The following ARFGEF1 variants were observed in gnomAD, a reference collection of about 807,000 sequenced individuals.
The protein encoded by ARFGEF1 is ARF guanine nucleotide exchange factor 1.
In ARFGEF1, 42 loss-of-function variants were observed where a neutral mutation model predicts 231.0. The ratio of observed to expected loss-of-function variants is 0.18; its 90% CI spans 0.14 to 0.24. The LOEUF (loss-of-function observed/expected upper bound fraction) is 0.24, where lower values mean the gene tolerates loss of function less well. ARFGEF1 is among the 10% of genes least tolerant of loss of function. The pLI, the probability that ARFGEF1 is intolerant of heterozygous loss-of-function variation, is 1.00. For synonymous variants in ARFGEF1, 710 were observed against 732.3 expected (o/e 0.97, Z 0.49); for missense variants, 1,345 against 2,192.0 (o/e 0.61, Z 7.72).
chr8:67,333,417 C>T (rs1808197266), intron 1 of ARFGEF1, among the ~76,000 whole-genome samples: 1 of 151,496 alleles, frequency 6.6e-6, no homozygotes, highest in Non-Finnish European at 1.5e-5. Context: ...GCAGCCTCAA[C>T]CTTCTGGGCC....
intron 1 of ARFGEF1, among the ~76,000 whole-genome samples, chr8:67,320,935 A>C (rs1011783719): frequency 6.6e-6 from 1 of 152,154 alleles, no homozygotes; most frequent in African/African-American, 2.4e-5. Context: ...CAGCCTGGGC[A>C]ATAGAGTGAG....
At chr8:67,318,535 A>G (rs1807434562) in intron 1 of ARFGEF1, among the ~76,000 whole-genome samples, 1 of 152,224 alleles carries the variant, frequency 6.6e-6, no homozygotes, top group South Asian at 2.1e-4. Context: ...AGATTACATG[A>G]TTATTTAAGT....
chr8:67,322,152 T>TGTC (rs1281916764), intron 1 of ARFGEF1, among the ~76,000 whole-genome samples: 1 of 152,212 alleles, frequency 6.6e-6, no homozygotes, highest in Non-Finnish European at 1.5e-5. Flanking sequence ...ATATGTTCTC[T>TGTC]GTCACTCCCA....
chr8:67,299,416 G>T, intron 3 of ARFGEF1, 61 bp from the exon 4 acceptor site: 1 of 1,394,224 alleles, frequency 7.2e-7, no homozygotes, highest in Non-Finnish European at 9.8e-7. Flanking sequence ...ACATACTAAT[G>T]CAATATACAT....
Position 67,217,800 on chromosome 8 carries a change from T to C in ARFGEF1, c.4595A>G (p.Lys1532Arg). The C allele has an allele frequency of 6.2e-7, 1 of 1,613,924 alleles. No individual in the cohort carries two copies. The highest frequency in any genetic ancestry group is 8.5e-7 in the Non-Finnish European group (1 of 1,179,890). ...TTCTTACGCATGTGGGATTGTGGTTTTGAAGATATCCAGTGTGCAGTTGCA... is the reference window on the plus strand; with the variant it reads ...TTCTTACGCATGTGGGATTGTGGTTCTGAAGATATCCAGTGTGCAGTTGCA... ...KTCNCTLDIF[K>R]TTIPHALLTW... Residue 1532 changes from lysine (K) to arginine (R), a missense_variant, in exon 32 of 39, where the codon AAA becomes AGA. Lys to Arg is a conservative substitution (Grantham distance 26, BLOSUM62 2). Around this residue, in one of 14 missense-constraint regions of ARFGEF1, gnomAD observed 54 missense variants for 86.5 expected, o/e 0.62. Transcript: ENST00000262215.
chr8:67,258,514 G>C (rs1454342937), intron 15 of ARFGEF1, among the ~76,000 whole-genome samples: 1 of 151,936 alleles, frequency 6.6e-6, no homozygotes, highest in Non-Finnish European at 1.5e-5. Flanking sequence ...TTTCAATAGA[G>C]ACAGGGTTTC....
At chr8:67,330,652 TACTG>T (rs1262749842) in intron 1 of ARFGEF1, among the ~76,000 whole-genome samples, 2 of 152,200 alleles carry the variant, frequency 1.3e-5, no homozygotes, top group Non-Finnish European at 2.9e-5. Context: ...AAATCTTAAC[TACTG>T]ACTATTAACT....
Position 67,259,852 on chromosome 8 carries a change from A to G in ARFGEF1, c.2198T>C (p.Ile733Thr), listed in dbSNP as rs898643631. The change falls in exon 15 of 39, where the codon ATT (isoleucine) becomes ACT (threonine). Residue 733 changes from isoleucine (I) to threonine (T), a missense_variant. This residue lies in a region of ARFGEF1 where 105 missense variants were observed against 159.3 expected (regional missense o/e 0.66). Transcript: ENST00000262215. ...TTCCTCTTGATGTAAGAATTGGGCAATATCTTCAGGTGTGGTGCCAAGCAT... is the reference window on the plus strand; with the variant it reads ...TTCCTCTTGATGTAAGAATTGGGCAGTATCTTCAGGTGTGGTGCCAAGCAT... ...QGMLGTTPED[I>T]AQFLHQEERL... The G allele has an allele frequency of 5.6e-6, 9 of 1,612,734 alleles. No individual in the cohort carries two copies. The highest frequency in any genetic ancestry group is 1.1e-5 in the South Asian group (1 of 90,836).
At chr8:67,261,347 A>G (rs893453160) in intron 14 of ARFGEF1, among the ~76,000 whole-genome samples, 1 of 152,204 alleles carries the variant, frequency 6.6e-6, no homozygotes, top group Non-Finnish European at 1.5e-5. Flanking sequence ...GTAGCTGATG[A>G]TATTAACTTG....
intron 22 of ARFGEF1, 145 bp downstream of exon 22, chr8:67,238,198 A>T: frequency 2.5e-6 from 2 of 785,724 alleles, no homozygotes; most frequent in Non-Finnish European, 3.7e-6. Flanking sequence ...AAAAAGATTT[A>T]GTTCCTTAGT....
intron 3 of ARFGEF1, among the ~76,000 whole-genome samples, chr8:67,300,320 TAGTG>T (rs1232305022): frequency 6.6e-6 from 1 of 152,160 alleles, no homozygotes; most frequent in Non-Finnish European, 1.5e-5. Flanking sequence ...AATTCCCAAA[TAGTG>T]AGAACATCTG....
chr8:67,179,042 T>G (rs982351464), intron 5 of ARFGEF1, among the ~76,000 whole-genome samples: 1 of 152,228 alleles, frequency 6.6e-6, no homozygotes, highest in East Asian at 1.9e-4. Flanking sequence ...TTGTAATTCA[T>G]TGCCTTAAAA....
At position 67,238,327 on chromosome 8, in the gene ARFGEF1, T is replaced by C. The variant is rs1401875653; in HGVS notation, c.3289+16A>G. On this transcript the variant is annotated intron_variant, in intron 22 of 38. Coordinates refer to ENST00000262215, the MANE Select transcript of ARFGEF1 (RefSeq NM_006421.5). ...GAAGTTAAAAACAATTTTTGATACTTTGTAAAAATTCTCACCTAGCCCTAA... is the reference window on the plus strand; with the variant it reads ...GAAGTTAAAAACAATTTTTGATACTCTGTAAAAATTCTCACCTAGCCCTAA... 6.3e-7 allele frequency: 1 copy of C among 1,577,716 alleles called. No homozygotes were observed. The highest frequency in any genetic ancestry group is 8.6e-7 in the Non-Finnish European group (1 of 1,167,856).
chr8:67,189,021 A>G (rs1165426073), intron 5 of ARFGEF1, among the ~76,000 whole-genome samples: 1 of 152,190 alleles, frequency 6.6e-6, no homozygotes, highest in Non-Finnish European at 1.5e-5. Context: ...GAGTTCTAAG[A>G]ACAAGGACCC....
chr8:67,316,970 G>GA (rs1324856064), intron 1 of ARFGEF1, among the ~76,000 whole-genome samples: 1 of 152,196 alleles, frequency 6.6e-6, no homozygotes, highest in East Asian at 1.9e-4. Flanking sequence ...CCAAGGAGGG[G>GA]AGGGGGCTGC....
At chr8:67,211,251 G>A (rs1285515620) in intron 34 of ARFGEF1, among the ~76,000 whole-genome samples, 1 of 148,478 alleles carries the variant, frequency 6.7e-6, no homozygotes, top group African/African-American at 2.5e-5. Flanking sequence ...GGCTGAGGCA[G>A]AAGAATTGCT....
intron 1 of ARFGEF1, among the ~76,000 whole-genome samples, chr8:67,332,319 A>G (rs1049722550): frequency 6.6e-6 from 1 of 152,226 alleles, no homozygotes; most frequent in East Asian, 1.9e-4. Context: ...GTTACAAAAT[A>G]TTAATATAAA....
At chr8:67,242,249 T>G (rs1587118162) in intron 19 of ARFGEF1, among the ~76,000 whole-genome samples, 1 of 151,740 alleles carries the variant, frequency 6.6e-6, no homozygotes, top group Non-Finnish European at 1.5e-5. Context: ...GCTAAGGGAG[T>G]GCTGGCATCA....
At chr8:67,191,566 T>C (rs1185986037) in intron 5 of ARFGEF1, among the ~76,000 whole-genome samples, 1 of 152,242 alleles carries the variant, frequency 6.6e-6, no homozygotes, top group East Asian at 1.9e-4. Flanking sequence ...TTGTCTTTCT[T>C]TTGAAGGTCA....
Sources: gnomAD v4.1 joint callset for allele counts (sites outside exome capture counted in the v4.1 genomes callset) on GRCh38, gnomAD v4.1.1 for gene constraint, gnomAD v4.1.1 regional missense constraint, MANE v1.5 for transcripts, NCBI Gene and HGNC (gene_info 2026-07-23, HGNC 2026-07-21) for gene names.